Variants in TEX9 observed in about 807,000 individuals in gnomAD.
TEX9 encodes the protein testis-expressed protein 9.
In TEX9, 74 loss-of-function variants were observed where a neutral mutation model predicts 59.6. That is an observed-to-expected ratio of 1.24 (90% CI 1.03 to 1.51). The LOEUF (loss-of-function observed/expected upper bound fraction) is 1.51, where lower values mean the gene tolerates loss of function less well. Among genes scored for constraint, TEX9 ranks in the 40% most tolerant of loss-of-function variants. The pLI is 0.00. For synonymous variants in TEX9, 186 were observed against 152.2 expected (o/e 1.22, Z -1.64); for missense variants, 522 against 447.8 (o/e 1.17, Z -1.49).
intron 9 of TEX9, chr15:56,397,582 G>A (rs776067147): frequency 3.4e-4 from 51 of 152,224 alleles, no homozygotes; most frequent in Non-Finnish European, 2.9e-4. Context: ...CAGGCCCAGA[G>A]ACCTAGGAGG....
chr15:56,424,907 G>A (rs1475441720), intron 10 of TEX9, among the ~76,000 whole-genome samples: 1 of 152,000 alleles, frequency 6.6e-6, no homozygotes. Flanking sequence ...CAACTTGAAG[G>A]ATTTTCTTTA....
rs187647522 is a variant in TEX9 at position 56,297,898 on chromosome 15, A to G, written c.-107+53620A>G. Reference sequence around the variant, plus strand: ...GTCCTGAGGCCAACTACTGTGCCATAATTCTTTATGTCTATCACAGGCTCT... The same window carrying G: ...GTCCTGAGGCCAACTACTGTGCCATGATTCTTTATGTCTATCACAGGCTCT... On this transcript the variant is annotated intron_variant, in intron 1 of 5. Coordinates refer to the TEX9 transcript ENST00000560827. 8.3e-4 allele frequency among the ~76,000 whole-genome samples: 127 copies of G among 152,332 alleles called. No homozygotes were observed. The Middle Eastern group carries it at 0.01, about 12-fold the overall frequency.
At chr15:56,423,669 A>G (rs1160268962) in intron 10 of TEX9, among the ~76,000 whole-genome samples, 1 of 151,962 alleles carries the variant, frequency 6.6e-6, no homozygotes, top group African/African-American at 2.4e-5. Context: ...ATTCACAGCC[A>G]CTCTATATTC....
chr15:56,417,039 G>A lies in TEX9; in HGVS notation c.963+4603G>A, dbSNP rs529244371. Among the ~76,000 whole-genome samples the A allele has an allele frequency of 5.3e-5, 8 of 151,620 alleles. No homozygotes were observed. The South Asian group carries it at 1.7e-3, about 32-fold the overall frequency. On this transcript the variant is annotated intron_variant, in intron 10 of 12. Transcript: ENST00000352903. ...CTGATGGTTGTTTTTATTTCTGTGGGGTCAGTAGTAACATTCCCTTTGTCA... is the reference window on the plus strand; with the variant it reads ...CTGATGGTTGTTTTTATTTCTGTGGAGTCAGTAGTAACATTCCCTTTGTCA...
intron 1 of TEX9, among the ~76,000 whole-genome samples, chr15:56,275,687 T>C (rs1170600780): frequency 6.6e-6 from 1 of 152,196 alleles, no homozygotes; most frequent in African/African-American, 2.4e-5. Context: ...CACACGACTT[T>C]ATTGTCGTTA....
chr15:56,250,791 C>T (rs1596042097), intron 1 of TEX9, among the ~76,000 whole-genome samples: 1 of 152,142 alleles, frequency 6.6e-6, no homozygotes, highest in Middle Eastern at 3.4e-3. Context: ...TTCAGTTTTG[C>T]TCTTAAGACC....
intron 12 of TEX9, among the ~76,000 whole-genome samples, chr15:56,439,283 G>A (rs2050779944): frequency 6.6e-6 from 1 of 152,040 alleles, no homozygotes; most frequent in African/African-American, 2.4e-5. Context: ...TAAATAAAGG[G>A]AGAGCCAAAT....
At chr15:56,326,858 A>G (rs1287489557) in intron 1 of TEX9, among the ~76,000 whole-genome samples, 2 of 152,188 alleles carry the variant, frequency 1.3e-5, no homozygotes, top group African/African-American at 4.8e-5. Flanking sequence ...AGCCATTAGA[A>G]GTTGGATGGA....
intron 12 of TEX9, among the ~76,000 whole-genome samples, chr15:56,430,944 T>C (rs2050573939): frequency 6.6e-6 from 1 of 152,182 alleles, no homozygotes; most frequent in African/African-American, 2.4e-5. Context: ...ATGGATCACC[T>C]GAGGCCAAGA....
intron 1 of TEX9, among the ~76,000 whole-genome samples, chr15:56,305,491 T>G (rs1336942212): frequency 6.6e-6 from 1 of 152,208 alleles, no homozygotes; most frequent in East Asian, 1.9e-4. Context: ...TGAACTCATT[T>G]TTGACAAAAA....
chr15:56,395,130 C>T lies in TEX9; in HGVS notation c.828+296C>T, dbSNP rs114763209. 3.9e-4 allele frequency: 145 copies of T among 375,272 alleles called. 1 individual carries two copies. The highest frequency in any genetic ancestry group is 2.6e-3 in the African/African-American group (126 of 48,060). 23.2% of individuals were successfully genotyped at this position (375,272 alleles called of 1,614,324 possible). A position where few individuals can be genotyped will look rare whatever the true frequency, so the allele number is the denominator to read the frequency against. Reference sequence around the variant, plus strand: ...CTTTAGCCACCACACCCTGACCCTGCTCCCCTCAATCCCTTACAGCCCTAG... The same window carrying T: ...CTTTAGCCACCACACCCTGACCCTGTTCCCCTCAATCCCTTACAGCCCTAG... On this transcript the variant is annotated intron_variant, in intron 9 of 12. Coordinates refer to ENST00000352903, the Ensembl canonical transcript of TEX9.
At chr15:56,411,235 C>T (rs148107199) in intron 9 of TEX9, among the ~76,000 whole-genome samples, 63 of 152,112 alleles carry the variant, frequency 4.1e-4, no homozygotes, top group Non-Finnish European at 5.1e-4. Context: ...GTTTAACTAA[C>T]GTGTGTTAGT....
intron 1 of TEX9, among the ~76,000 whole-genome samples, chr15:56,345,861 G>A (rs1337813816): frequency 2.0e-5 from 3 of 152,156 alleles, no homozygotes; most frequent in Non-Finnish European, 4.4e-5. Context: ...CATTCAGCTG[G>A]ACAGCATGTT....
intron 1 of TEX9, among the ~76,000 whole-genome samples, chr15:56,322,629 A>T (rs1381299394): frequency 2.0e-5 from 3 of 152,142 alleles, no homozygotes; most frequent in African/African-American, 7.2e-5. Flanking sequence ...GTTGGTGACT[A>T]AATTTTTAGT....
rs1369587520 is a variant in TEX9, at chr15:56,391,406, G to C, written c.559G>C (p.Asp187His). The change falls in exon 7 of 13, where the codon GAC (aspartate) becomes CAC (histidine). Residue 187 changes from aspartate to histidine, a missense_variant. Asp to His is a moderately conservative substitution (Grantham distance 81). Coordinates refer to ENST00000352903, the Ensembl canonical transcript of TEX9. ...TGATATTTTTTCTGGTGTTAGTAAT[G>C]ACATTGGAACAGGTAGATTTTCTTT... 1.3e-6 allele frequency: 2 copies of C among 1,550,854 alleles called. No homozygotes were observed. The highest frequency in any genetic ancestry group is 4.0e-5 in the Admixed American group (2 of 50,000).
intron 12 of TEX9, chr15:56,434,158 G>C: frequency 1.2e-6 from 2 of 1,611,554 alleles, no homozygotes; most frequent in Non-Finnish European, 1.7e-6. Context: ...AGGAATTGTT[G>C]GCGACGCTCT....
intron 1 of TEX9, among the ~76,000 whole-genome samples, chr15:56,277,335 T>G (rs1318714751): frequency 2.6e-5 from 4 of 152,204 alleles, no homozygotes; most frequent in African/African-American, 4.8e-5. Context: ...TAATCCATCT[T>G]GAGTTAATTT....
chr15:56,445,424 C>T (rs904226247), intron 12 of TEX9, among the ~76,000 whole-genome samples: 4 of 151,848 alleles, frequency 2.6e-5, no homozygotes, highest in Admixed American at 6.6e-5. Flanking sequence ...GATCACATCC[C>T]GAATGATGGA....
intron 1 of TEX9, among the ~76,000 whole-genome samples, chr15:56,255,346 T>C (rs2141316990): frequency 6.6e-6 from 1 of 152,242 alleles, no homozygotes; most frequent in Admixed American, 6.5e-5. Flanking sequence ...AAAAGCTGTA[T>C]GTTTTATAAC....
Sources: allele counts gnomAD v4.1 joint callset (sites outside exome capture counted in the v4.1 genomes callset), GRCh38; gene constraint gnomAD v4.1.1; transcripts MANE v1.5; gene names NCBI Gene and HGNC (gene_info 2026-07-23, HGNC 2026-07-21).